Variants in NR3C2 observed in about 807,000 individuals in gnomAD.
The protein encoded by NR3C2 is mineralocorticoid receptor.
A neutral mutation model predicts 86.4 loss-of-function variants in NR3C2; 15 were observed. The ratio of observed to expected loss-of-function variants is 0.17; its 90% CI spans 0.12 to 0.27. The LOEUF is 0.27. Ranked by LOEUF, NR3C2 falls within the 10% of genes least tolerant of loss-of-function variation. The pLI is 1.00. For missense variants in NR3C2, 960 were observed against 1,195.6 expected, an observed-to-expected ratio of 0.80 and a Z score of 2.91; for synonymous variants, 458 against 450.5, an observed-to-expected ratio of 1.02 and a Z score of -0.21.
intron 8 of NR3C2, among the ~76,000 whole-genome samples, chr4:148,101,814 G>A (rs1012747496): frequency 6.6e-6 from 1 of 151,926 alleles, no homozygotes; most frequent in Admixed American, 6.6e-5. Flanking sequence ...TTAACAGAAA[G>A]AGCCATCATT....
chr4:148,346,461 C>T (rs112971126), intron 2 of NR3C2, among the ~76,000 whole-genome samples: 53 of 152,044 alleles, frequency 3.5e-4, no homozygotes, highest in African/African-American at 1.2e-3. Context: ...GTAGACAGGC[C>T]GAGTCTGAAG....
chr4:148,309,032 T>C (rs1742778621), intron 2 of NR3C2, among the ~76,000 whole-genome samples: 1 of 152,026 alleles, frequency 6.6e-6, no homozygotes, highest in South Asian at 2.1e-4. Flanking sequence ...AGGAGGATAT[T>C]GAATGTTTTC....
intron 2 of NR3C2, among the ~76,000 whole-genome samples, chr4:148,288,288 T>C (rs1415027081): frequency 1.3e-5 from 2 of 152,240 alleles, no homozygotes. Flanking sequence ...ATAAATTATG[T>C]GAGCAGCACA....
At chr4:148,314,145 G>A (rs554473529) in intron 2 of NR3C2, among the ~76,000 whole-genome samples, 2 of 152,198 alleles carry the variant, frequency 1.3e-5, no homozygotes, top group African/African-American at 2.4e-5. Flanking sequence ...CTATATTGGG[G>A]GGAAAGATCT....
At chr4:148,204,791 CA>C (rs1479592826) in intron 3 of NR3C2, among the ~76,000 whole-genome samples, 1 of 152,180 alleles carries the variant, frequency 6.6e-6, no homozygotes, top group Non-Finnish European at 1.5e-5. Flanking sequence ...AATTTGGTCG[CA>C]CCTATAATTC....
chr4:148,154,782 C>T lies in NR3C2; in HGVS notation c.2134G>A (p.Ala712Thr), dbSNP rs1202370477. ...TTGACCGAGGGTTCTTTTGCAGGAG[C>T]GATGTACGTTGTCCCTTCCTCTGGG... ...QSPEEGTTYI[A>T]PAKEPSVNTA... The change falls in exon 5 of 9, where the codon GCT becomes ACT. Residue 712 changes from alanine to threonine, a missense_variant. Ala to Thr is a moderately conservative substitution (Grantham distance 58, BLOSUM62 0). Transcript: ENST00000358102. 9 of 1,531,586 alleles carry T rather than the reference C, an allele frequency of 5.9e-6. No homozygotes were observed. Among genetic ancestry groups the T allele is most frequent in the Middle Eastern group, 1.8e-4 (1 of 5,704 alleles). The allele number at this position is 1,531,586 out of a possible 1,614,324, so 94.9% of individuals were successfully genotyped here. A position where few individuals can be genotyped will look rare whatever the true frequency, so the allele number is the denominator to read the frequency against.
chr4:148,373,470 C>T (rs1746515044), intron 2 of NR3C2, among the ~76,000 whole-genome samples: 4 of 129,796 alleles, frequency 3.1e-5, no homozygotes, highest in African/African-American at 9.7e-5. Flanking sequence ...TAAAGGATGA[C>T]TTTTTTTTTC....
chr4:148,363,910 G>A (rs1384014574), intron 2 of NR3C2, among the ~76,000 whole-genome samples: 12 of 152,082 alleles, frequency 7.9e-5, no homozygotes, highest in Admixed American at 7.9e-4. Flanking sequence ...AAAATGGTGT[G>A]TTACAGATAG....
intron 7 of NR3C2, among the ~76,000 whole-genome samples, 168 bp from the exon 8 acceptor site, chr4:148,114,429 A>T (rs1560928781): frequency 6.6e-6 from 1 of 152,240 alleles, no homozygotes; most frequent in African/African-American, 2.4e-5. Flanking sequence ...ACACATACAT[A>T]CACAAAGAAC....
intron 2 of NR3C2, among the ~76,000 whole-genome samples, chr4:148,366,677 A>G (rs1459411382): frequency 6.6e-6 from 1 of 152,072 alleles, no homozygotes; most frequent in African/African-American, 2.4e-5. Flanking sequence ...AAGACCTGTC[A>G]AATCATCAAA....
At chr4:148,107,228 C>T (rs984374924) in intron 8 of NR3C2, among the ~76,000 whole-genome samples, 19 of 152,074 alleles carry the variant, frequency 1.2e-4, no homozygotes, top group Non-Finnish European at 2.9e-5. Context: ...ATTTATGCAG[C>T]CAGCAAACAT....
chr4:148,412,418 A>G (rs1203247676), intron 2 of NR3C2, among the ~76,000 whole-genome samples: 1 of 152,236 alleles, frequency 6.6e-6, no homozygotes, highest in Non-Finnish European at 1.5e-5. Flanking sequence ...GTGAAGTAAA[A>G]AAAGATCAAG....
chr4:148,427,103 A>C (rs901235561), intron 2 of NR3C2, among the ~76,000 whole-genome samples: 4 of 151,922 alleles, frequency 2.6e-5, no homozygotes, highest in Non-Finnish European at 5.9e-5. Context: ...TACAGACACA[A>C]ATCACCATGC....
Position 148,436,225 on chromosome 4 carries a change from A to C in NR3C2, c.636T>G (p.Ser212=). The C allele has an allele frequency of 6.2e-7, 1 of 1,614,172 alleles. No individual in the cohort carries two copies. The highest frequency in any genetic ancestry group is 8.5e-7 in the Non-Finnish European group (1 of 1,180,034). Residue 212 remains serine, a synonymous_variant, in exon 2 of 9, where the codon TCT becomes TCG. Transcript: ENST00000358102. ...SSVCSPAGIN[S]VSSTTASFGS... is the part of the protein sequence containing the mutation. Reference sequence around the variant, plus strand: ...CAAAGCTGGCTGTGGTGGAGGACACAGAGTTGATTCCAGCAGGGCTGCAAA... The same window carrying C: ...CAAAGCTGGCTGTGGTGGAGGACACCGAGTTGATTCCAGCAGGGCTGCAAA...
chr4:148,339,999 T>C (rs1038597286), intron 2 of NR3C2, among the ~76,000 whole-genome samples: 11 of 151,562 alleles, frequency 7.3e-5, no homozygotes, highest in African/African-American at 2.4e-4. Context: ...ACCAAAGAAG[T>C]AAAAGATCTC....
intron 2 of NR3C2, among the ~76,000 whole-genome samples, chr4:148,432,248 A>T (rs1749829448): frequency 6.6e-6 from 1 of 152,204 alleles, no homozygotes; most frequent in South Asian, 2.1e-4. Context: ...TTCTTCAAGT[A>T]CATAGAGAAA....
At chr4:148,200,058 T>C (rs1736642663) in intron 3 of NR3C2, among the ~76,000 whole-genome samples, 1 of 152,130 alleles carries the variant, frequency 6.6e-6, no homozygotes, top group South Asian at 2.1e-4. Flanking sequence ...GATGTACAGG[T>C]GTTCCACACA....
At chr4:148,150,110 T>C (rs897691918) in intron 6 of NR3C2, among the ~76,000 whole-genome samples, 3 of 152,234 alleles carry the variant, frequency 2.0e-5, no homozygotes, top group African/African-American at 7.2e-5. Context: ...AGTGCAACGT[T>C]ATTCATAATA....
At chr4:148,431,312 G>A (rs1749791325) in intron 2 of NR3C2, among the ~76,000 whole-genome samples, 1 of 152,100 alleles carries the variant, frequency 6.6e-6, no homozygotes, top group Non-Finnish European at 1.5e-5. Context: ...CTAGACTTGA[G>A]TATACAAAAT....
Sources: allele counts gnomAD v4.1 joint callset (sites outside exome capture counted in the v4.1 genomes callset), GRCh38; gene constraint gnomAD v4.1.1; transcripts MANE v1.5; gene names NCBI Gene and HGNC (gene_info 2026-07-23, HGNC 2026-07-21).